PTPRD: variants seen among roughly 807,000 people sequenced by gnomAD.
The protein encoded by PTPRD is receptor-type tyrosine-protein phosphatase delta.
PTPRD carries 34 observed loss-of-function variants against 214.5 expected under a neutral mutation model. The observed-to-expected ratio is 0.16, with a 90% CI of 0.12 to 0.21. The LOEUF (loss-of-function observed/expected upper bound fraction) is 0.21. Ranked by LOEUF, PTPRD falls within the 10% of genes least tolerant of loss-of-function variation. The pLI, the probability that PTPRD is intolerant of heterozygous loss-of-function variation, is 1.00. For missense variants in PTPRD, 2,545 were observed against 2,398.7 expected (o/e 1.06, Z -1.27); for synonymous variants, 1,128 against 845.7 (o/e 1.33, Z -5.79).
chr9:8,412,364 C>T (rs2093600545), intron 35 of PTPRD, among the ~76,000 whole-genome samples: 1 of 152,146 alleles, frequency 6.6e-6, no homozygotes, highest in Non-Finnish European at 1.5e-5. Flanking sequence ...AATCAATGTG[C>T]AGCATTAAAC....
rs182007766 is a variant in PTPRD, at chr9:8,764,002, T to C, written c.-103-30056A>G. Among the ~76,000 whole-genome samples, 4 of 152,346 alleles carry C rather than the reference T, an allele frequency of 2.6e-5. No homozygotes were observed. The East Asian group carries it at 7.7e-4, about 29-fold the overall frequency. Reference sequence around the variant, plus strand: ...AGTTTCAAGAGTTCATTAAAAATTATTGAGGGATTGTTTCTTAATAATGAA... The same window carrying C: ...AGTTTCAAGAGTTCATTAAAAATTACTGAGGGATTGTTTCTTAATAATGAA... On this transcript the variant is annotated intron_variant, in intron 11 of 45. Coordinates refer to ENST00000381196, the MANE Select transcript of PTPRD (RefSeq NM_002839.4).
At chr9:10,331,241 A>AGT (rs558946383) in intron 3 of PTPRD, among the ~76,000 whole-genome samples, 147 of 151,882 alleles carry the variant, frequency 9.7e-4, no homozygotes, top group Non-Finnish European at 1.1e-3. Flanking sequence ...TGCTACTGCA[A>AGT]TAAAAACAGC....
chr9:9,642,745 C>A (rs2096009355), intron 7 of PTPRD, among the ~76,000 whole-genome samples: 1 of 152,196 alleles, frequency 6.6e-6, no homozygotes, highest in South Asian at 2.1e-4. Context: ...TTAAGCAACT[C>A]AAGGAACTAT....
At position 9,936,948 on chromosome 9, in the gene PTPRD, C is replaced by A. The variant is rs565802379; in HGVS notation, c.-368+1559G>T. ...TAGGGACATGGATGTAATTGGAAAT[C>A]ATCATTCTCAGTAAACTATCACAAG... On this transcript the variant is annotated intron_variant, in intron 5 of 45. Transcript: ENST00000381196. Among the ~76,000 whole-genome samples the A allele has an allele frequency of 2.8e-3, 418 of 150,190 alleles. 2 individuals are homozygous for A. Among genetic ancestry groups the A allele is most frequent in the African/African-American group, 9.3e-3 (379 of 40,594 alleles).
At chr9:9,135,645 T>C (rs568728708) in intron 10 of PTPRD, among the ~76,000 whole-genome samples, 45 of 152,326 alleles carry the variant, frequency 3.0e-4, no homozygotes, top group Admixed American at 1.2e-3. Context: ...AAATGCTTAG[T>C]AATTCATTAA....
intron 10 of PTPRD, among the ~76,000 whole-genome samples, chr9:9,108,419 G>A (rs1393582877): frequency 2.6e-5 from 4 of 152,074 alleles, no homozygotes; most frequent in Non-Finnish European, 5.9e-5. Context: ...ATGCTGCAAT[G>A]AAAAACAATC....
chr9:8,602,984 A>C (rs973214773), intron 14 of PTPRD, among the ~76,000 whole-genome samples: 3 of 152,210 alleles, frequency 2.0e-5, no homozygotes. Context: ...TGCCACTGGA[A>C]GATGAAGAGA....
At chr9:10,527,798 C>T (rs2054765255) in intron 2 of PTPRD, among the ~76,000 whole-genome samples, 1 of 152,090 alleles carries the variant, frequency 6.6e-6, no homozygotes, top group Non-Finnish European at 1.5e-5. Context: ...TTTTCTTTAG[C>T]AATAATTACT....
chr9:8,869,046 AT>A (rs1276496441), intron 11 of PTPRD, among the ~76,000 whole-genome samples: 1 of 152,178 alleles, frequency 6.6e-6, no homozygotes, highest in Non-Finnish European at 1.5e-5. Context: ...CTACCTCCAA[AT>A]AAATCTGTGA....
chr9:9,443,134 C>A (rs560423065), intron 8 of PTPRD, among the ~76,000 whole-genome samples: 24 of 151,852 alleles, frequency 1.6e-4, no homozygotes, highest in Non-Finnish European at 3.2e-4. Flanking sequence ...AAAAATAGGG[C>A]CATTCTATGT....
intron 33 of PTPRD, chr9:8,454,592 C>T (rs1294631385): frequency 6.2e-7 from 1 of 1,612,994 alleles, no homozygotes; most frequent in Admixed American, 1.7e-5. Flanking sequence ...GTCGGGTTTA[C>T]TGCTCCATTT....
At chr9:9,749,335 C>T (rs891339267) in intron 6 of PTPRD, among the ~76,000 whole-genome samples, 1 of 152,070 alleles carries the variant, frequency 6.6e-6, no homozygotes, top group Non-Finnish European at 1.5e-5. Context: ...AGCCTTTTTG[C>T]CCATGCCTTT....
intron 3 of PTPRD, among the ~76,000 whole-genome samples, chr9:10,166,031 ATT>A (rs2099156922): frequency 6.7e-6 from 1 of 149,854 alleles, no homozygotes; most frequent in African/African-American, 2.4e-5. Context: ...TATCATATAT[ATT>A]ATGCATTATA....
intron 2 of PTPRD, among the ~76,000 whole-genome samples, chr9:10,586,738 A>T (rs935160767): frequency 2.6e-5 from 4 of 151,704 alleles, no homozygotes; most frequent in Non-Finnish European, 5.9e-5. Flanking sequence ...TCCTGAAATG[A>T]TTCTTCAAAA....
chr9:10,232,874 T>A (rs950148483), intron 3 of PTPRD, among the ~76,000 whole-genome samples: 4 of 152,014 alleles, frequency 2.6e-5, no homozygotes, highest in African/African-American at 9.7e-5. Context: ...AACTATGCCA[T>A]ACGTTTTATG....
At chr9:9,987,189 G>T (rs190004777) in intron 4 of PTPRD, among the ~76,000 whole-genome samples, 84 of 152,224 alleles carry the variant, frequency 5.5e-4, no homozygotes, top group Admixed American at 4.9e-3. Context: ...ACTATTAATA[G>T]AAATAATAAA....
chr9:9,171,246 T>G (rs2099915223), intron 10 of PTPRD, among the ~76,000 whole-genome samples: 1 of 151,996 alleles, frequency 6.6e-6, no homozygotes, highest in Admixed American at 6.6e-5. Context: ...GATCTATAAC[T>G]CTGAGTTTCT....
At chr9:10,384,361 C>T (rs1162637818) in intron 2 of PTPRD, among the ~76,000 whole-genome samples, 2 of 151,538 alleles carry the variant, frequency 1.3e-5, no homozygotes, top group South Asian at 4.1e-4. Flanking sequence ...AGGTATTAGT[C>T]TCTATACTTT....
At chr9:9,626,422 G>T (rs1409921648) in intron 7 of PTPRD, among the ~76,000 whole-genome samples, 1 of 152,148 alleles carries the variant, frequency 6.6e-6, no homozygotes, top group African/African-American at 2.4e-5. Context: ...GTAAAGAAAG[G>T]CCATTCATGT....
Sources: allele counts gnomAD v4.1 joint callset (sites outside exome capture counted in the v4.1 genomes callset), GRCh38; gene constraint gnomAD v4.1.1; transcripts MANE v1.5; gene names NCBI Gene and HGNC (gene_info 2026-07-23, HGNC 2026-07-21).